CPS1: variants seen among roughly 807,000 people sequenced by gnomAD.
The protein encoded by CPS1 is carbamoyl-phosphate synthase 1.
A neutral mutation model predicts 174.6 loss-of-function variants in CPS1; 109 were observed. The ratio of observed to expected loss-of-function variants is 0.62; its 90% CI spans 0.53 to 0.73. The LOEUF is 0.73. Among genes scored for constraint, CPS1 ranks in the 30% least tolerant of loss-of-function variants. CPS1 has a pLI of 0.00. For missense variants in CPS1, 1,689 were observed against 1,821.9 expected, an observed-to-expected ratio of 0.93 and a Z score of 1.33; for synonymous variants, 637 against 632.0, an observed-to-expected ratio of 1.01 and a Z score of -0.12.
chr2:210,606,627 C>A, intron 17 of CPS1, 104 bp from the exon 18 acceptor site: 1 of 1,062,738 alleles, frequency 9.4e-7, no homozygotes, highest in Non-Finnish European at 1.4e-6. Context: ...CCCAACAAAC[C>A]CTCAGACTGT....
rs1574638385 is a variant in CPS1 at position 210,647,911 on chromosome 2, C to T, written c.3190C>T (p.Leu1064=). 6.2e-7 allele frequency: 1 copy of T among 1,613,916 alleles called. No homozygotes were observed. Among genetic ancestry groups the T allele is most frequent in the South Asian group, 1.1e-5 (1 of 91,084 alleles). ...AGTTGGAGGCCAGATTCCAAACAAC[C>T]TGGCAGTTCCTCTATACAAGAATGG... The part of the protein sequence containing the change: ...ISVGGQIPNN[L]AVPLYKNGVK... Residue 1064 remains leucine (L), a synonymous_variant, in exon 26 of 38, where the codon CTG becomes TTG. Coordinates refer to ENST00000233072, the MANE Select transcript of CPS1 (RefSeq NM_001875.5).
chr2:210,530,125 T>G (rs1326604092), intron 1 of CPS1, among the ~76,000 whole-genome samples: 2 of 152,034 alleles, frequency 1.3e-5, no homozygotes, highest in East Asian at 3.9e-4. Context: ...GAAGGCAACT[T>G]AGTGACTTGC....
At chr2:210,645,864 A>G (rs1303763520) in intron 25 of CPS1, among the ~76,000 whole-genome samples, 3 of 152,198 alleles carry the variant, frequency 2.0e-5, no homozygotes, top group African/African-American at 7.2e-5. Context: ...GACAGTAATA[A>G]TCACCTCAGA....
At chr2:210,532,828 G>T (rs1014843604) in intron 1 of CPS1, among the ~76,000 whole-genome samples, 8 of 152,176 alleles carry the variant, frequency 5.3e-5, no homozygotes, top group African/African-American at 1.9e-4. Flanking sequence ...CCAACCCACA[G>T]TCCAAATGGG....
intron 2 of CPS1, 116 bp downstream of exon 2, chr2:210,573,523 G>A: frequency 1.2e-6 from 1 of 835,724 alleles, no homozygotes; most frequent in South Asian, 1.4e-5. Context: ...GTATTGTCCT[G>A]AAGTTGCACC....
intron 20 of CPS1, among the ~76,000 whole-genome samples, chr2:210,614,473 A>C (rs186360016): frequency 3.6e-3 from 555 of 152,104 alleles, no homozygotes; most frequent in African/African-American, 0.012. Flanking sequence ...AGGAAATGCC[A>C]CACTGTCTTT....
At chr2:210,498,138 G>T (rs1466569133) in intron 1 of CPS1, among the ~76,000 whole-genome samples, 1 of 151,436 alleles carries the variant, frequency 6.6e-6, no homozygotes, top group Non-Finnish European at 1.5e-5. Flanking sequence ...ATCTTATTTT[G>T]GTTTTGACTT....
intron 28 of CPS1, among the ~76,000 whole-genome samples, chr2:210,652,243 T>TG (rs1418388873): frequency 6.6e-6 from 1 of 152,178 alleles, no homozygotes; most frequent in Non-Finnish European, 1.5e-5. Flanking sequence ...TGATTATTAA[T>TG]GATGGTGCAG....
chr2:210,599,525 A>T lies in CPS1; in HGVS notation c.1513A>T (p.Ile505Phe). The change falls in exon 14 of 38, where the codon ATT becomes TTT. Residue 505 changes from isoleucine (I) to phenylalanine (F), a missense_variant. Transcript: ENST00000233072. Reference protein sequence around the residue: ...VIKAEQPDGLILGMGGQTALN... With the variant: ...VIKAEQPDGLFLGMGGQTALN... ...CAAGGCAGAACAGCCAGATGGGTTA[A>T]TTCTGGGCATGGGTGGCCAGACAGC... 6.2e-7 allele frequency: 1 copy of T among 1,612,494 alleles called. No individual in the cohort carries two copies.
intron 1 of CPS1, among the ~76,000 whole-genome samples, chr2:210,492,090 A>G (rs1694890672): frequency 1.3e-5 from 2 of 152,242 alleles, no homozygotes; most frequent in African/African-American, 4.8e-5. Context: ...ATATGAATAG[A>G]CAAGAGTTAG....
intron 26 of CPS1, 137 bp from the exon 27 acceptor site, chr2:210,648,336 C>A: frequency 2.7e-6 from 2 of 742,728 alleles, no homozygotes; most frequent in Non-Finnish European, 4.4e-6. Context: ...TTATGTATTT[C>A]AGTGTCCAAT....
At chr2:210,512,445 A>C (rs1695520094) in intron 1 of CPS1, among the ~76,000 whole-genome samples, 1 of 151,970 alleles carries the variant, frequency 6.6e-6, no homozygotes. Flanking sequence ...TAAAAGTAAG[A>C]ACATGCAGTA....
rs903115833 is a variant in CPS1, at chr2:210,483,958, T to G, written c.3+6192T>G. Among the ~76,000 whole-genome samples, 7 of 152,228 alleles carry G rather than the reference T, an allele frequency of 4.6e-5. No individual in the cohort carries two copies. The East Asian group carries it at 1.2e-3, about 25-fold the overall frequency. ...TATTCTTCAGATGGGTGTTGCAAAG[T>G]GTCTATGGAGTGCATATTGTATTCT... On this transcript the variant is annotated intron_variant, in intron 1 of 38. Coordinates refer to the CPS1 transcript ENST00000430249.
At chr2:210,593,051 G>T in intron 11 of CPS1, 95 bp downstream of exon 11, 1 of 1,079,078 alleles carries the variant, frequency 9.3e-7, no homozygotes, top group Non-Finnish European at 1.4e-6. Context: ...AGATGATCTT[G>T]AGCAGAACAT....
intron 1 of CPS1, among the ~76,000 whole-genome samples, chr2:210,540,519 T>A (rs1034789282): frequency 1.4e-4 from 21 of 152,192 alleles, no homozygotes; most frequent in African/African-American, 4.8e-4. Context: ...TAATGACAAA[T>A]CATGCTACAA....
intron 1 of CPS1, among the ~76,000 whole-genome samples, chr2:210,497,766 A>G (rs1184169056): frequency 6.6e-6 from 1 of 151,720 alleles, no homozygotes; most frequent in Non-Finnish European, 1.5e-5. Context: ...GTGTATATGT[A>G]GCACATTTTC....
intron 1 of CPS1, among the ~76,000 whole-genome samples, chr2:210,564,167 A>G (rs2106052411): frequency 6.6e-6 from 1 of 152,342 alleles, no homozygotes; most frequent in Non-Finnish European, 1.5e-5. Context: ...TAACATCATT[A>G]GAACATTGAA....
intron 19 of CPS1, among the ~76,000 whole-genome samples, chr2:210,611,511 A>G (rs1345790778): frequency 6.6e-6 from 1 of 151,850 alleles, no homozygotes; most frequent in Non-Finnish European, 1.5e-5. Flanking sequence ...TGATTAGTGT[A>G]TGATGAGCTG....
intron 33 of CPS1, among the ~76,000 whole-genome samples, chr2:210,665,357 G>A (rs1245815413): frequency 6.6e-6 from 1 of 150,902 alleles, no homozygotes. Flanking sequence ...TAAGTTTTAG[G>A]GTACATGTGC....
Sources: allele counts gnomAD v4.1 joint callset (sites outside exome capture counted in the v4.1 genomes callset), GRCh38; gene constraint gnomAD v4.1.1; transcripts MANE v1.5; gene names NCBI Gene and HGNC (gene_info 2026-07-23, HGNC 2026-07-21).